The following SCML2 variants were observed in gnomAD, a reference collection of about 807,000 sequenced individuals.
SCML2 encodes Scm polycomb group protein like 2, also known as sex comb on midleg-like protein 2.
In SCML2, 6 loss-of-function variants were observed where a neutral mutation model predicts 48.4. That is an observed-to-expected ratio of 0.12 (90% confidence interval 0.07 to 0.24). The LOEUF is 0.24. Ranked by LOEUF, SCML2 falls within the 10% of genes least tolerant of loss-of-function variation. SCML2 has a pLI of 1.00. For missense variants in SCML2, 377 were observed against 528.2 expected, an observed-to-expected ratio of 0.71 and a Z score of 2.81; for synonymous variants, 181 against 189.5, an observed-to-expected ratio of 0.95 and a Z score of 0.37.
chrX:18,349,669 C>T (rs753912892), intron 1 of SCML2, among the ~76,000 whole-genome samples: 9 of 111,595 alleles, frequency 8.1e-5, no homozygotes, highest in South Asian at 3.7e-4. Context: ...TGGTTGCGCA[C>T]GCCTGTAATC....
At chrX:18,261,462 G>A (rs1445862604) in intron 8 of SCML2, among the ~76,000 whole-genome samples, 1 of 109,915 alleles carries the variant, frequency 9.1e-6, no homozygotes. Flanking sequence ...TTAAGAAAAT[G>A]TGCTCCTGCA....
chrX:18,256,981 A>G lies in SCML2; in HGVS notation c.1323T>C (p.Ser441=), dbSNP rs774928699. Residue 441 remains serine (S), a synonymous_variant, in exon 11 of 15, where the codon AGT becomes AGC. Transcript: ENST00000251900. ...CAAGAAAGCGAAGAGCAAATGATGC[A>G]CTGTTCACTGGAGGGAGCTGGATGG... is the stretch of plus-strand genomic sequence containing the variant. ...THSIQLPPVN[S]ASFALRFLEN... is the part of the protein sequence containing the mutation. 1 of 1,205,618 alleles carries G rather than the reference A, an allele frequency of 8.3e-7. No homozygotes were observed.
chrX:18,259,238 G>A (rs1328378092), intron 9 of SCML2, among the ~76,000 whole-genome samples: 1 of 108,239 alleles, frequency 9.2e-6, no homozygotes, highest in Non-Finnish European at 1.9e-5. Flanking sequence ...ACTCCAGCCT[G>A]GGTGATGAAG....
At chrX:18,304,150 C>T (rs1427305865) in intron 7 of SCML2, among the ~76,000 whole-genome samples, 3 of 111,708 alleles carry the variant, frequency 2.7e-5, no homozygotes, top group Non-Finnish European at 5.6e-5. Flanking sequence ...AGCTATTCTC[C>T]TGCCTCAGCC....
At chrX:18,265,088 C>G (rs1246576430) in intron 8 of SCML2, among the ~76,000 whole-genome samples, 1 of 112,047 alleles carries the variant, frequency 8.9e-6, no homozygotes, top group East Asian at 2.8e-4. Flanking sequence ...TATAACACCC[C>G]TTATCCCAGT....
At chrX:18,345,212 T>C (rs1189633150) in intron 1 of SCML2, among the ~76,000 whole-genome samples, 1 of 111,179 alleles carries the variant, frequency 9.0e-6, no homozygotes, top group Non-Finnish European at 1.9e-5. Context: ...TTTTCTCCCG[T>C]GCTAGACAAT....
chrX:18,257,104 A>C, intron 10 of SCML2, 74 bp from the exon 11 acceptor site: 1 of 660,767 alleles, frequency 1.5e-6, no homozygotes, highest in Non-Finnish European at 2.2e-6. Flanking sequence ...AAAAAAAACT[A>C]TCACCTTAGG....
At chrX:18,322,870 G>A (rs1411456403) in intron 5 of SCML2, among the ~76,000 whole-genome samples, 1 of 110,971 alleles carries the variant, frequency 9.0e-6, no homozygotes, top group Non-Finnish European at 1.9e-5. Flanking sequence ...CTCCAGCCTG[G>A]GCAACAAGAG....
At position 18,241,219 on chromosome X, in the gene SCML2, G is replaced by A; in HGVS notation, c.*32C>T. On this transcript the variant is annotated 3_prime_UTR_variant, in exon 15 of 15. Transcript: ENST00000251900. ...ATTAAAATGTTAACAGTACACCTGA[G>A]AATTATGTCCAATCTAAACTTACAC... The A allele has an allele frequency of 1.7e-6, 2 of 1,145,646 alleles. No individual in the cohort carries two copies. The highest frequency in any genetic ancestry group is 2.4e-6 in the Non-Finnish European group (2 of 851,019). The allele number at this position is 1,145,646 out of a possible 1,213,427, so 94.4% of individuals were successfully genotyped here.
chrX:18,308,904 G>A (rs1928854281), intron 6 of SCML2, among the ~76,000 whole-genome samples: 1 of 111,602 alleles, frequency 9.0e-6, no homozygotes, highest in African/African-American at 3.3e-5. Flanking sequence ...TTAGAGAAAT[G>A]CAAATCAAAA....
chrX:18,293,265 T>C (rs1312711102), intron 7 of SCML2, among the ~76,000 whole-genome samples: 1 of 111,781 alleles, frequency 8.9e-6, no homozygotes, highest in Non-Finnish European at 1.9e-5. Flanking sequence ...CCTAAATGTT[T>C]TCTCTACTCA....
In SCML2 at chrX:18,248,727, T is replaced by A. The variant is rs995269159; in HGVS notation, c.1457-845A>T. ...AAACCAACAGGCAAAACATATCTCA[T>A]ATTTCTACAATTAAGACATTAAATT... is the stretch of plus-strand genomic sequence containing the variant. On this transcript the variant is annotated intron_variant, in intron 11 of 14. Transcript: ENST00000251900. Among the ~76,000 whole-genome samples the A allele has an allele frequency of 3.6e-5, 4 of 112,378 alleles. 1 individual carries two copies.
intron 7 of SCML2, among the ~76,000 whole-genome samples, chrX:18,302,220 G>A (rs1198901379): frequency 4.5e-5 from 5 of 110,118 alleles, no homozygotes; most frequent in African/African-American, 6.6e-5. Flanking sequence ...TAAAGAAGCC[G>A]AGTAACCACA....
At chrX:18,305,239 A>C in intron 6 of SCML2, 24 bp from the exon 7 acceptor site, 1 of 1,166,351 alleles carries the variant, frequency 8.6e-7, no homozygotes, top group Non-Finnish European at 1.1e-6. Flanking sequence ...AAAAAAAAAA[A>C]AGATTTCATT....
chrX:18,280,019 C>A (rs1007942953), intron 7 of SCML2, among the ~76,000 whole-genome samples: 2 of 111,332 alleles, frequency 1.8e-5, no homozygotes, highest in Non-Finnish European at 3.8e-5. Flanking sequence ...ACAGAGAACA[C>A]CAGCTAGACG....
chrX:18,292,567 C>G (rs1339915900), intron 7 of SCML2, among the ~76,000 whole-genome samples: 2 of 110,620 alleles, frequency 1.8e-5, no homozygotes, highest in Admixed American at 1.9e-4. Context: ...AACCCCTTTT[C>G]AAACGAAAAT....
intron 7 of SCML2, among the ~76,000 whole-genome samples, chrX:18,275,770 C>T (rs1927609173): frequency 1.8e-5 from 2 of 112,414 alleles, no homozygotes; most frequent in African/African-American, 6.5e-5. Flanking sequence ...ATAGCTTGAT[C>T]GTAACATTTT....
intron 7 of SCML2, among the ~76,000 whole-genome samples, 162 bp from the exon 8 acceptor site, chrX:18,265,964 G>A (rs1049729429): frequency 9.0e-6 from 1 of 111,672 alleles, no homozygotes; most frequent in Non-Finnish European, 1.9e-5. Flanking sequence ...GAAGTTTTAG[G>A]TATCCTAAGA....
intron 3 of SCML2, among the ~76,000 whole-genome samples, chrX:18,329,629 T>C (rs773019619): frequency 1.7e-4 from 19 of 112,948 alleles, no homozygotes; most frequent in Non-Finnish European, 3.6e-4. Context: ...ATTATACATG[T>C]ACTGTTCATA....
Sources: gnomAD v4.1 joint callset for allele counts (sites outside exome capture counted in the v4.1 genomes callset) on GRCh38, gnomAD v4.1.1 for gene constraint, MANE v1.5 for transcripts, NCBI Gene and HGNC (gene_info 2026-07-23, HGNC 2026-07-21) for gene names.